RNF182: variants seen among roughly 807,000 people sequenced by gnomAD.
RNF182 encodes ring finger protein 182, also known as E3 ubiquitin-protein ligase RNF182.
Under a neutral mutation model 14.4 loss-of-function variants are expected in RNF182, and 15 were observed. The observed-to-expected ratio is 1.04, with a 90% CI of 0.70 to 1.60. RNF182 has a LOEUF of 1.60. Among genes scored for constraint, RNF182 ranks in the 40% most tolerant of loss-of-function variants. RNF182 has a pLI of 0.00. For missense variants in RNF182, 268 were observed against 294.8 expected (o/e 0.91, Z 0.67); for synonymous variants, 128 against 122.9 (o/e 1.04, Z -0.27).
intron 1 of RNF182, among the ~76,000 whole-genome samples, chr6:13,937,610 C>A (rs925434424): frequency 6.6e-6 from 1 of 152,206 alleles, no homozygotes; most frequent in Non-Finnish European, 1.5e-5. Flanking sequence ...TCACCTATTA[C>A]AAATAGTGCT....
Position 13,978,549 on chromosome 6 carries a change from T to C in RNF182, c.*686T>C, listed in dbSNP as rs1760404785. Reference sequence around the variant, plus strand: ...GCCATTTGTCCTTGAGACACACTCTTTCCTCCATGTCTGTTTTCCTCTCTC... The same window carrying C: ...GCCATTTGTCCTTGAGACACACTCTCTCCTCCATGTCTGTTTTCCTCTCTC... On this transcript the variant is annotated 3_prime_UTR_variant, in exon 3 of 3. Coordinates refer to ENST00000488300, the MANE Select transcript of RNF182 (RefSeq NM_152737.4). The C allele has an allele frequency of 6.3e-6, 1 of 159,596 alleles. No individual in the cohort carries two copies. Among genetic ancestry groups the C allele is most frequent in the African/African-American group, 2.5e-5 (1 of 40,782 alleles). The allele number at this position is 159,596 out of a possible 1,614,324, so 9.9% of individuals were successfully genotyped here. A position where few individuals can be genotyped will look rare whatever the true frequency, so the allele number is the denominator to read the frequency against.
rs114419016 is a variant in RNF182 at position 13,951,512 on chromosome 6, C to G, written c.-366-22698C>G. ...CCAGTGTGCCAAGAGCAGAGTATTC[C>G]TCCCTCATAGCTGCCATTAGCTGTC... On this transcript the variant is annotated intron_variant, in intron 1 of 2. Coordinates refer to ENST00000488300, the MANE Select transcript of RNF182 (RefSeq NM_152737.4). Among the ~76,000 whole-genome samples, 1,412 of 152,314 alleles carry G rather than the reference C, an allele frequency of 9.3e-3. 33 individuals are homozygous for G. Among genetic ancestry groups the G allele is most frequent in the African/African-American group, 0.032 (1,318 of 41,564 alleles).
At chr6:13,926,146 CAT>C (rs1484176927) in intron 1 of RNF182, among the ~76,000 whole-genome samples, 7 of 152,146 alleles carry the variant, frequency 4.6e-5, no homozygotes, top group East Asian at 1.9e-4. Flanking sequence ...AATAATCTAA[CAT>C]ATAAAATTGT....
At chr6:13,942,758 A>G (rs996900242) in intron 1 of RNF182, among the ~76,000 whole-genome samples, 11 of 152,114 alleles carry the variant, frequency 7.2e-5, no homozygotes, top group African/African-American at 2.4e-4. Context: ...ACCCTGTTCT[A>G]TTTGACTCCT....
chr6:13,947,110 T>C (rs988098927), intron 1 of RNF182, among the ~76,000 whole-genome samples: 11 of 152,148 alleles, frequency 7.2e-5, no homozygotes, highest in African/African-American at 1.4e-4. Context: ...CAAGCTGATA[T>C]GGGGTCGCTA....
At chr6:13,945,449 G>A (rs986706627) in intron 1 of RNF182, among the ~76,000 whole-genome samples, 5 of 152,124 alleles carry the variant, frequency 3.3e-5, no homozygotes, top group Non-Finnish European at 5.9e-5. Flanking sequence ...CTCAGAGCCC[G>A]TTTAGATGAT....
intron 1 of RNF182, among the ~76,000 whole-genome samples, chr6:13,943,766 C>T (rs1275428733): frequency 6.6e-6 from 1 of 152,150 alleles, no homozygotes; most frequent in Non-Finnish European, 1.5e-5. Context: ...AGTACTACTT[C>T]AGTAGGGGAG....
intron 1 of RNF182, among the ~76,000 whole-genome samples, chr6:13,948,402 A>G (rs563683196): frequency 1.3e-5 from 2 of 152,332 alleles, no homozygotes; most frequent in African/African-American, 4.8e-5. Context: ...TAAGATAACA[A>G]TTATAACTAT....
intron 1 of RNF182, among the ~76,000 whole-genome samples, chr6:13,952,114 A>G (rs1009317497): frequency 6.6e-6 from 1 of 152,124 alleles, no homozygotes; most frequent in African/African-American, 2.4e-5. Context: ...CAGGAGAGAG[A>G]GAGAGGAAAG....
At chr6:13,943,827 CT>C (rs1759362939) in intron 1 of RNF182, among the ~76,000 whole-genome samples, 1 of 152,128 alleles carries the variant, frequency 6.6e-6, no homozygotes, top group African/African-American at 2.4e-5. Flanking sequence ...GACAGGAGCC[CT>C]TTTAAATGCT....
At chr6:13,971,113 G>A (rs138634575) in intron 1 of RNF182, among the ~76,000 whole-genome samples, 14 of 152,046 alleles carry the variant, frequency 9.2e-5, no homozygotes, top group Middle Eastern at 3.4e-3. Context: ...TCAAGGCGTC[G>A]GCTGTCCTGA....
chr6:13,942,432 C>T (rs1759322374), intron 1 of RNF182, among the ~76,000 whole-genome samples: 2 of 152,294 alleles, frequency 1.3e-5, no homozygotes, highest in Admixed American at 1.3e-4. Flanking sequence ...ACCTCTGCCT[C>T]CTGGGCTTAG....
At chr6:13,943,304 A>G (rs1173264810) in intron 1 of RNF182, among the ~76,000 whole-genome samples, 1 of 148,508 alleles carries the variant, frequency 6.7e-6, no homozygotes, top group Non-Finnish European at 1.5e-5. Context: ...TTCTTTTTGT[A>G]GAAATAGGGT....
intron 1 of RNF182, among the ~76,000 whole-genome samples, chr6:13,968,000 T>A (rs1760078022): frequency 6.6e-6 from 1 of 152,168 alleles, no homozygotes; most frequent in African/African-American, 2.4e-5. Context: ...AGTCTTTAGC[T>A]ATTTTCAGTA....
intron 1 of RNF182, among the ~76,000 whole-genome samples, chr6:13,966,724 C>T (rs1485264143): frequency 6.6e-6 from 1 of 152,114 alleles, no homozygotes; most frequent in Non-Finnish European, 1.5e-5. Flanking sequence ...GATCATGCCA[C>T]TGCACTCCAG....
At chr6:13,947,844 A>G (rs1031451545) in intron 1 of RNF182, among the ~76,000 whole-genome samples, 1 of 152,238 alleles carries the variant, frequency 6.6e-6, no homozygotes, top group Non-Finnish European at 1.5e-5. Context: ...TAAAATAACC[A>G]GTGTCTCCAA....
intron 1 of RNF182, among the ~76,000 whole-genome samples, chr6:13,972,061 G>A (rs995151222): frequency 1.1e-4 from 16 of 152,090 alleles, no homozygotes; most frequent in Non-Finnish European, 1.5e-5. Flanking sequence ...AGCACCTTGG[G>A]AGGCCAAGGC....
chr6:13,939,899 T>C (rs1210839124), intron 1 of RNF182, among the ~76,000 whole-genome samples: 1 of 152,252 alleles, frequency 6.6e-6, no homozygotes, highest in Non-Finnish European at 1.5e-5. Flanking sequence ...CATTCACTTC[T>C]TAATCTTAAT....
At chr6:13,946,236 A>C (rs1293347261) in intron 1 of RNF182, among the ~76,000 whole-genome samples, 1 of 151,342 alleles carries the variant, frequency 6.6e-6, no homozygotes, top group East Asian at 1.9e-4. Flanking sequence ...GCACAATCTC[A>C]GCTCACTGCA....
Sources: gnomAD v4.1 joint callset for allele counts (sites outside exome capture counted in the v4.1 genomes callset) on GRCh38, gnomAD v4.1.1 for gene constraint, MANE v1.5 for transcripts, NCBI Gene and HGNC (gene_info 2026-07-23, HGNC 2026-07-21) for gene names.